GNAQ: variants seen among roughly 807,000 people sequenced by gnomAD.
GNAQ encodes the protein guanine nucleotide-binding protein G(q) subunit alpha.
A neutral mutation model predicts 43.9 loss-of-function variants in GNAQ; 8 were observed. The observed-to-expected ratio is 0.18, with a 90% CI of 0.11 to 0.33. The LOEUF (loss-of-function observed/expected upper bound fraction) is 0.33, where lower values mean the gene tolerates loss of function less well. Among genes scored for constraint, GNAQ ranks in the 10% least tolerant of loss-of-function variants. GNAQ has a pLI of 1.00. For synonymous variants in GNAQ, 155 were observed against 170.7 expected (o/e 0.91, Z 0.71); for missense variants, 158 against 450.8 (o/e 0.35, Z 5.88).
intron 1 of GNAQ, chr9:78,030,505 G>T: frequency 2.1e-6 from 1 of 470,722 alleles, no homozygotes; most frequent in Non-Finnish European, 4.4e-6. Context: ...CAACCACTTG[G>T]CTTCCTCACC....
rs1823111064 is a variant in GNAQ, at chr9:77,961,891, A to G, written c.137-39546T>C. On this transcript the variant is annotated intron_variant, in intron 1 of 6. Transcript: ENST00000286548. ...CTCAATAAATTTAGACCCAGAAGAC[A>G]AGGATGTTTTTTAAAAAGCAGTACT... Among the ~76,000 whole-genome samples, 4 of 152,222 alleles carry G rather than the reference A, an allele frequency of 2.6e-5. No homozygotes were observed. In the South Asian group the frequency reaches 8.3e-4, roughly 32 times the overall value.
At chr9:77,942,200 T>C (rs2118346655) in intron 1 of GNAQ, among the ~76,000 whole-genome samples, 1 of 152,288 alleles carries the variant, frequency 6.6e-6, no homozygotes, top group African/African-American at 2.4e-5. Flanking sequence ...AGTTAAAAGA[T>C]CATGTTCTTT....
intron 1 of GNAQ, among the ~76,000 whole-genome samples, chr9:77,971,951 G>A (rs1459895016): frequency 6.7e-6 from 1 of 148,910 alleles, no homozygotes; most frequent in Non-Finnish European, 1.5e-5. Context: ...TTGACTCTCT[G>A]TTTGTGTGTT....
intron 5 of GNAQ, among the ~76,000 whole-genome samples, chr9:77,766,318 G>A (rs1054908736): frequency 3.3e-5 from 5 of 152,100 alleles, no homozygotes; most frequent in African/African-American, 1.2e-4. Flanking sequence ...CTGTTTCAAC[G>A]TTTCCTTGTT....
chr9:77,732,933 G>A (rs946478702), intron 5 of GNAQ, among the ~76,000 whole-genome samples: 2 of 152,152 alleles, frequency 1.3e-5, no homozygotes, highest in African/African-American at 4.8e-5. Context: ...GACCAAAGAG[G>A]CCACAAAGGC....
chr9:77,841,598 A>G (rs1827491918), intron 2 of GNAQ, among the ~76,000 whole-genome samples: 1 of 152,212 alleles, frequency 6.6e-6, no homozygotes, highest in South Asian at 2.1e-4. Context: ...TTGTATATCA[A>G]ATGAAGCTAC....
At chr9:77,766,016 T>A (rs895369314) in intron 5 of GNAQ, among the ~76,000 whole-genome samples, 1 of 152,204 alleles carries the variant, frequency 6.6e-6, no homozygotes, top group Non-Finnish European at 1.5e-5. Context: ...TCCAGTTATA[T>A]GAGGTACACA....
chr9:78,023,668 T>C (rs80271427), intron 1 of GNAQ, among the ~76,000 whole-genome samples: 1 of 151,128 alleles, frequency 6.6e-6, no homozygotes, highest in African/African-American at 2.4e-5. Flanking sequence ...ATGAAAAAAA[T>C]TTTTCAACAT....
At chr9:77,810,531 C>T (rs1826903301) in intron 3 of GNAQ, among the ~76,000 whole-genome samples, 1 of 152,168 alleles carries the variant, frequency 6.6e-6, no homozygotes, top group Non-Finnish European at 1.5e-5. Flanking sequence ...ATTAAATATT[C>T]AGTAAATAGC....
intron 2 of GNAQ, among the ~76,000 whole-genome samples, chr9:77,846,926 A>G (rs542136641): frequency 3.6e-4 from 55 of 152,298 alleles, no homozygotes; most frequent in Middle Eastern, 3.4e-3. Flanking sequence ...GGGAACTCAG[A>G]CAGGACTAGA....
At chr9:77,962,527 G>A (rs1823118047) in intron 1 of GNAQ, among the ~76,000 whole-genome samples, 1 of 151,954 alleles carries the variant, frequency 6.6e-6, no homozygotes, top group Non-Finnish European at 1.5e-5. Context: ...TAAAAGAAGG[G>A]GAAAAGATAC....
intron 2 of GNAQ, among the ~76,000 whole-genome samples, chr9:77,901,783 C>T (rs1340964276): frequency 6.6e-6 from 1 of 152,188 alleles, no homozygotes; most frequent in East Asian, 1.9e-4. Context: ...TTATAAACAA[C>T]AAACATTTAT....
Position 77,771,974 on chromosome 9 carries a change from C to G in GNAQ, c.735+22489G>C, listed in dbSNP as rs1360626006. Among the ~76,000 whole-genome samples the G allele has an allele frequency of 3.3e-5, 5 of 152,160 alleles. No homozygotes were observed. In the South Asian group the frequency reaches 1.0e-3, roughly 31 times the overall value. On this transcript the variant is annotated intron_variant, in intron 5 of 6. Transcript: ENST00000286548. ...AATTCCCATCTGCTGCTGTGTGCCA[C>G]TCTGCATTCACCCTTCCGCCCAATG...
intron 2 of GNAQ, among the ~76,000 whole-genome samples, chr9:77,821,724 G>GGGGTGGGGGT (rs201504418): frequency 1.4e-5 from 2 of 142,308 alleles, no homozygotes; most frequent in Admixed American, 7.0e-5. Context: ...TCCTAGTATG[G>GGGGTGGGGGT]GTGTGTGTGT....
chr9:77,741,497 C>A (rs531843706), intron 5 of GNAQ, among the ~76,000 whole-genome samples: 1 of 152,132 alleles, frequency 6.6e-6, no homozygotes, highest in South Asian at 2.1e-4. Context: ...AGGTTTCTTA[C>A]TTTCCTTTTT....
intron 1 of GNAQ, among the ~76,000 whole-genome samples, chr9:78,014,843 T>C (rs1482630514): frequency 3.9e-5 from 6 of 152,216 alleles, no homozygotes; most frequent in Non-Finnish European, 8.8e-5. Flanking sequence ...ATTAACAATG[T>C]TTCAGTCAAC....
intron 1 of GNAQ, among the ~76,000 whole-genome samples, chr9:77,937,283 T>C (rs1258027216): frequency 6.6e-6 from 1 of 151,864 alleles, no homozygotes; most frequent in African/African-American, 2.4e-5. Context: ...CTACTAAAAA[T>C]ACAAAAATTA....
intron 6 of GNAQ, among the ~76,000 whole-genome samples, chr9:77,724,278 C>A (rs192103206): frequency 1.3e-5 from 2 of 152,114 alleles, no homozygotes; most frequent in African/African-American, 4.8e-5. Flanking sequence ...GCAACCTCCA[C>A]CTCCTGGGTT....
chr9:77,831,506 T>C (rs1420793026), intron 2 of GNAQ, among the ~76,000 whole-genome samples: 1 of 152,192 alleles, frequency 6.6e-6, no homozygotes, highest in South Asian at 2.1e-4. Context: ...AAATTATTAA[T>C]TGGTATGACT....
Sources: allele counts gnomAD v4.1 joint callset (sites outside exome capture counted in the v4.1 genomes callset), GRCh38; gene constraint gnomAD v4.1.1; transcripts MANE v1.5; gene names NCBI Gene and HGNC (gene_info 2026-07-23, HGNC 2026-07-21).